Variants in SUPT3H observed in about 807,000 individuals in gnomAD.
SUPT3H encodes transcription initiation protein SPT3 homolog.
A neutral mutation model predicts 44.3 loss-of-function variants in SUPT3H; 44 were observed. The observed-to-expected ratio is 0.99, with a 90% CI of 0.78 to 1.28. The LOEUF is 1.28. Among genes scored for constraint, SUPT3H ranks in the 50% most tolerant of loss-of-function variants. The pLI is 0.00. For missense variants in SUPT3H, 380 were observed against 387.1 expected, an observed-to-expected ratio of 0.98 and a Z score of 0.15; for synonymous variants, 124 against 125.6, an observed-to-expected ratio of 0.99 and a Z score of 0.09.
intron 10 of SUPT3H, among the ~76,000 whole-genome samples, chr6:44,886,898 G>A (rs1762390531): frequency 6.6e-6 from 1 of 152,134 alleles, no homozygotes; most frequent in African/African-American, 2.4e-5. Context: ...ACACACAGAA[G>A]CTCAAAATAA....
intron 10 of SUPT3H, among the ~76,000 whole-genome samples, chr6:44,831,393 A>G (rs1041925306): frequency 3.3e-5 from 5 of 152,186 alleles, no homozygotes; most frequent in African/African-American, 1.2e-4. Flanking sequence ...AAATTGCGCT[A>G]TAGAACAGTG....
chr6:44,997,597 A>G (rs535251328), intron 6 of SUPT3H, among the ~76,000 whole-genome samples: 1 of 151,906 alleles, frequency 6.6e-6, no homozygotes, highest in Non-Finnish European at 1.5e-5. Flanking sequence ...ACCAAAATTA[A>G]TAAATTATGT....
At chr6:44,980,506 C>T (rs1004543407) in intron 6 of SUPT3H, among the ~76,000 whole-genome samples, 6 of 152,156 alleles carry the variant, frequency 3.9e-5, no homozygotes, top group African/African-American at 1.2e-4. Context: ...TGTGACCAAA[C>T]GTGGCTGAGG....
chr6:44,952,538 C>G (rs1285622350), intron 9 of SUPT3H, among the ~76,000 whole-genome samples: 1 of 152,192 alleles, frequency 6.6e-6, no homozygotes, highest in Non-Finnish European at 1.5e-5. Context: ...AAACGTACTT[C>G]ACAACTCTAC....
chr6:45,065,711 A>C (rs1421246302), intron 3 of SUPT3H, among the ~76,000 whole-genome samples: 1 of 151,332 alleles, frequency 6.6e-6, no homozygotes, highest in African/African-American at 2.4e-5. Flanking sequence ...AAAATCTAGA[A>C]GAAATGGATA....
In SUPT3H at chr6:44,940,024, AT is replaced by A. The variant is rs369836316; in HGVS notation, c.802-7262del. Among the ~76,000 whole-genome samples the A allele has an allele frequency of 5.2e-3, 771 of 148,398 alleles. 5 individuals are homozygous for A. The highest frequency in any genetic ancestry group is 0.013 in the African/African-American group (512 of 40,430). On this transcript the variant is annotated intron_variant, in intron 9 of 10. Coordinates refer to ENST00000371459, the MANE Select transcript of SUPT3H (RefSeq NM_003599.4). ...ACTTTTAATTTCCTTGATCTTTTGT[AT>A]TTTTTTTTGTCTTTATTTTTATTTA...
intron 3 of SUPT3H, among the ~76,000 whole-genome samples, chr6:45,079,473 AAGG>A (rs1795491142): frequency 6.6e-6 from 1 of 151,358 alleles, no homozygotes; most frequent in Admixed American, 6.6e-5. Context: ...AAGAAGGGGA[AAGG>A]AGGAGGAAGG....
At chr6:45,244,981 A>G (rs915504943) in intron 2 of SUPT3H, among the ~76,000 whole-genome samples, 10 of 152,156 alleles carry the variant, frequency 6.6e-5, no homozygotes, top group Admixed American at 2.0e-4. Flanking sequence ...GAATGCACCT[A>G]AAATTCCCAT....
At chr6:45,301,035 T>C (rs950877810) in intron 2 of SUPT3H, among the ~76,000 whole-genome samples, 2 of 152,134 alleles carry the variant, frequency 1.3e-5, no homozygotes, top group Admixed American at 6.5e-5. Context: ...CAACCAGTCA[T>C]TGACTACAAG....
intron 10 of SUPT3H, among the ~76,000 whole-genome samples, chr6:44,832,203 GACA>G (rs1321177248): frequency 6.6e-6 from 1 of 152,120 alleles, no homozygotes; most frequent in Non-Finnish European, 1.5e-5. Context: ...GATGGATGAA[GACA>G]ACAACTCATC....
chr6:44,889,320 G>A (rs1168395121), intron 10 of SUPT3H, among the ~76,000 whole-genome samples: 1 of 152,102 alleles, frequency 6.6e-6, no homozygotes, highest in African/African-American at 2.4e-5. Flanking sequence ...TCAATCCTAA[G>A]CCAAAAGAAC....
At chr6:44,876,665 AT>A in intron 10 of SUPT3H, among the ~76,000 whole-genome samples, 1 of 151,810 alleles carries the variant, frequency 6.6e-6, no homozygotes, top group Non-Finnish European at 1.5e-5. Flanking sequence ...TAAAAAAAAA[AT>A]TAAAAAAAAA....
At chr6:44,943,242 A>G (rs1026205860) in intron 9 of SUPT3H, among the ~76,000 whole-genome samples, 1 of 152,164 alleles carries the variant, frequency 6.6e-6, no homozygotes, top group Non-Finnish European at 1.5e-5. Context: ...GAAATAAAAT[A>G]TTACTAGATG....
At chr6:45,098,859 T>C (rs1798152455) in intron 3 of SUPT3H, 1 of 549,438 alleles carries the variant, frequency 1.8e-6, no homozygotes, top group Non-Finnish European at 3.6e-6. Flanking sequence ...AAGTGGCTGC[T>C]GAGAAGTCCT....
intron 2 of SUPT3H, among the ~76,000 whole-genome samples, chr6:45,299,003 G>A (rs1024155713): frequency 2.0e-5 from 3 of 152,048 alleles, no homozygotes; most frequent in Admixed American, 6.6e-5. Context: ...ATAAAACCAC[G>A]TAAATGCAAA....
rs6907275 is a variant in SUPT3H at position 45,335,637 on chromosome 6, A to G, written c.101+29564T>C. ...TCTTTATGCTAACAATCCACATTAT[A>G]TCAATCACTGTGTTTTCCATAAAGC... On this transcript the variant is annotated intron_variant, in intron 2 of 10. Coordinates refer to ENST00000371459, the MANE Select transcript of SUPT3H (RefSeq NM_003599.4). 1.9e-3 allele frequency among the ~76,000 whole-genome samples: 286 copies of G among 151,426 alleles called. 1 individual carries two copies. Among genetic ancestry groups the G allele is most frequent in the African/African-American group, 6.5e-3 (269 of 41,498 alleles).
chr6:45,066,271 C>CT (rs1793296256), intron 3 of SUPT3H, among the ~76,000 whole-genome samples: 1 of 152,106 alleles, frequency 6.6e-6, no homozygotes, highest in African/African-American at 2.4e-5. Flanking sequence ...CTCCTTCATG[C>CT]TAAAAACTCT....
At chr6:45,365,040 C>G (rs1363483236) in intron 2 of SUPT3H, among the ~76,000 whole-genome samples, 161 bp downstream of exon 2, 1 of 152,130 alleles carries the variant, frequency 6.6e-6, no homozygotes, top group Middle Eastern at 3.2e-3. Flanking sequence ...AATTTTGCCT[C>G]TACATATGGC....
At chr6:45,006,203 T>C (rs1205281997) in intron 5 of SUPT3H, among the ~76,000 whole-genome samples, 2 of 152,138 alleles carry the variant, frequency 1.3e-5, no homozygotes, top group East Asian at 1.9e-4. Flanking sequence ...CATCGCATTA[T>C]TTATAACCTT....
Sources: allele counts gnomAD v4.1 joint callset (sites outside exome capture counted in the v4.1 genomes callset), GRCh38; gene constraint gnomAD v4.1.1; transcripts MANE v1.5; gene names NCBI Gene and HGNC (gene_info 2026-07-23, HGNC 2026-07-21).